DIP2C: variants seen among roughly 807,000 people sequenced by gnomAD.
DIP2C encodes the protein DIP2 acetate--CoA ligase C (putative).
A neutral mutation model predicts 192.4 loss-of-function variants in DIP2C; 33 were observed. That is an observed-to-expected ratio of 0.17 (90% CI 0.13 to 0.23). DIP2C has a LOEUF of 0.23. Ranked by LOEUF, DIP2C falls within the 10% of genes least tolerant of loss-of-function variation. The pLI is 1.00. For synonymous variants in DIP2C, 979 were observed against 864.1 expected (o/e 1.13, Z -2.33); for missense variants, 1,537 against 2,110.1 (o/e 0.73, Z 5.32).
In DIP2C at chr10:363,604, A is replaced by C. The variant is rs1959807091; in HGVS notation, c.2478-293T>G. 6.6e-6 allele frequency among the ~76,000 whole-genome samples: 1 copy of C among 152,208 alleles called. No individual in the cohort carries two copies. The highest frequency in any genetic ancestry group is 2.4e-5 in the African/African-American group (1 of 41,446). On this transcript the variant is annotated intron_variant, in intron 20 of 36. Coordinates refer to ENST00000280886, the MANE Select transcript of DIP2C (RefSeq NM_014974.3). This position sits in a 1 kb window ranked among gnomAD's most constrained non-coding sequence, Gnocchi z 5.4. Reference sequence around the variant, plus strand: ...TTTCGGTACAGAGGGGCAAATGCGCAATGATCAGACCTGCTGAAATTTAGG... The same window carrying C: ...TTTCGGTACAGAGGGGCAAATGCGCCATGATCAGACCTGCTGAAATTTAGG...
chr10:441,722 C>T (rs538029963), intron 3 of DIP2C, among the ~76,000 whole-genome samples: 10 of 152,332 alleles, frequency 6.6e-5, no homozygotes, highest in Admixed American at 3.3e-4. Flanking sequence ...GCCAATTAAA[C>T]CTTTTTATTC....
At position 398,981 on chromosome 10, in the gene DIP2C, C is replaced by CT. The variant is rs1453021402; in HGVS notation, c.1260+127dup. On this transcript the variant is annotated intron_variant, in intron 10 of 36. Coordinates refer to ENST00000280886, the MANE Select transcript of DIP2C (RefSeq NM_014974.3). ...GCAGGGCCCACTAGCGACCGCATCC[C>CT]TTATCGAGGCAACCGAAGGAAACCC... 6.7e-6 allele frequency: 5 copies of CT among 744,496 alleles called. No homozygotes were observed. In the Admixed American group the frequency reaches 1.2e-4, roughly 18 times the overall value. 46.1% of individuals were successfully genotyped at this position (744,496 alleles called of 1,614,324 possible). A position where few individuals can be genotyped will look rare whatever the true frequency, so the allele number is the denominator to read the frequency against.
At chr10:612,689 C>T (rs1254393107) in intron 1 of DIP2C, among the ~76,000 whole-genome samples, 1 of 152,112 alleles carries the variant, frequency 6.6e-6, no homozygotes, top group Non-Finnish European at 1.5e-5. Context: ...CTTTCACAGC[C>T]GTTTACTCCG....
rs537202332 is a variant in DIP2C at position 649,061 on chromosome 10, T to C, written c.85+40433A>G. 1.2e-3 allele frequency among the ~76,000 whole-genome samples: 155 copies of C among 133,428 alleles called. 1 individual carries two copies. The highest frequency in any genetic ancestry group is 4.1e-3 in the African/African-American group (144 of 35,100). 87.5% of individuals were successfully genotyped at this position (133,428 alleles called of 152,430 possible). On this transcript the variant is annotated intron_variant, in intron 1 of 36. Coordinates refer to ENST00000280886, the MANE Select transcript of DIP2C (RefSeq NM_014974.3). The stretch of plus-strand genomic sequence containing the variant: ...AAACTGAGTCCACGTCCACATTGGA[T>C]GGTGGGAGAGAACATAGGGAAACTG...
chr10:337,536 G>A (rs998653979), intron 29 of DIP2C, among the ~76,000 whole-genome samples: 1 of 143,008 alleles, frequency 7.0e-6, no homozygotes, highest in Non-Finnish European at 1.5e-5. Context: ...CGTGTGTGTT[G>A]TAGAGGCCTA....
chr10:599,024 A>C (rs1215539809), intron 1 of DIP2C, among the ~76,000 whole-genome samples: 1 of 152,226 alleles, frequency 6.6e-6, no homozygotes, highest in Admixed American at 6.5e-5. Flanking sequence ...TTGCATCATA[A>C]AGCGGCGAAG....
chr10:311,574 A>G, intron 31 of DIP2C: 1 of 1,232,542 alleles, frequency 8.1e-7, no homozygotes. Flanking sequence ...AGGCTACAGC[A>G]GCAGAAGGGT....
intron 4 of DIP2C, among the ~76,000 whole-genome samples, chr10:428,677 T>A (rs973667509): frequency 6.6e-6 from 1 of 152,142 alleles, no homozygotes; most frequent in African/African-American, 2.4e-5. Context: ...GACACAGGTG[T>A]TTGACATCAA....
chr10:457,450 C>T (rs935441886), intron 3 of DIP2C, among the ~76,000 whole-genome samples: 4 of 152,228 alleles, frequency 2.6e-5, no homozygotes, highest in African/African-American at 9.6e-5. Context: ...TGCCTTCAGT[C>T]AGGAACCCAA....
chr10:514,989 C>T (rs1252440719), intron 1 of DIP2C, among the ~76,000 whole-genome samples: 2 of 152,254 alleles, frequency 1.3e-5, no homozygotes, highest in Admixed American at 6.5e-5. Flanking sequence ...ACAATTTTTA[C>T]GTCCACGTTC....
intron 29 of DIP2C, chr10:340,737 G>C: frequency 2.2e-6 from 1 of 457,266 alleles, no homozygotes; most frequent in Non-Finnish European, 4.4e-6. Flanking sequence ...CTGCTGGGTA[G>C]AGTGCCGCAC....
chr10:512,178 T>C (rs1207519539), intron 1 of DIP2C, among the ~76,000 whole-genome samples: 4 of 152,248 alleles, frequency 2.6e-5, no homozygotes, highest in Non-Finnish European at 5.9e-5. Context: ...TTTGTTTCTG[T>C]CTTGTTTTTA....
At chr10:351,220 C>A (rs772352036) in intron 24 of DIP2C, among the ~76,000 whole-genome samples, 1 of 152,160 alleles carries the variant, frequency 6.6e-6, no homozygotes, top group Non-Finnish European at 1.5e-5. Flanking sequence ...TATTCATCGG[C>A]GATGCTGGGA....
At chr10:483,614 G>A (rs1162196526) in intron 2 of DIP2C, among the ~76,000 whole-genome samples, 1 of 152,136 alleles carries the variant, frequency 6.6e-6, no homozygotes, top group Non-Finnish European at 1.5e-5. Flanking sequence ...AATGGACCTC[G>A]TGGCTAAAAC....
chr10:402,759 A>G (rs567889547), intron 9 of DIP2C, among the ~76,000 whole-genome samples: 4 of 16,848 alleles, frequency 2.4e-4, no homozygotes, highest in East Asian at 0.5. Flanking sequence ...CTTATGGACA[A>G]GTTTGGTATG....
At chr10:422,238 G>C (rs1394325218) in intron 5 of DIP2C, among the ~76,000 whole-genome samples, 6 of 152,312 alleles carry the variant, frequency 3.9e-5, no homozygotes, top group African/African-American at 1.4e-4. Flanking sequence ...CAAAGGCAGA[G>C]CGACGTGAGG....
At chr10:448,270 T>C (rs61837250) in intron 3 of DIP2C, among the ~76,000 whole-genome samples, 1,561 of 68,718 alleles carry the variant, frequency 0.023, 18 homozygotes, top group African/African-American at 0.12. Context: ...CACTCATCCC[T>C]GTCTATACTC....
chr10:344,223 T>C (rs1317352608), intron 28 of DIP2C, among the ~76,000 whole-genome samples: 2 of 152,218 alleles, frequency 1.3e-5, no homozygotes, highest in Non-Finnish European at 2.9e-5. Flanking sequence ...CAAAAGCTTT[T>C]GAAAAATTAT....
chr10:552,227 A>C (rs1848629414), intron 1 of DIP2C, among the ~76,000 whole-genome samples: 1 of 152,254 alleles, frequency 6.6e-6, no homozygotes, highest in African/African-American at 2.4e-5. Flanking sequence ...AAAGGAAAGC[A>C]TCGTGAAGTT....
Sources: allele counts gnomAD v4.1 joint callset (sites outside exome capture counted in the v4.1 genomes callset), GRCh38; gene constraint gnomAD v4.1.1; non-coding constraint Gnocchi (gnomAD v3.1); transcripts MANE v1.5; gene names NCBI Gene and HGNC (gene_info 2026-07-23, HGNC 2026-07-21).